The following USP45 variants were observed in gnomAD, a reference collection of about 807,000 sequenced individuals.
The protein encoded by USP45 is ubiquitin carboxyl-terminal hydrolase 45.
Under a neutral mutation model 95.8 loss-of-function variants are expected in USP45, and 89 were observed. That is an observed-to-expected ratio of 0.93 (90% CI 0.78 to 1.11). The LOEUF is 1.11. Ranked by LOEUF, USP45 falls within the 50% of genes least tolerant of loss-of-function variation. The probability of loss-of-function intolerance (pLI) is 0.00; values close to 1 mark genes in which losing one functional copy is unlikely to be tolerated. For synonymous variants in USP45, 281 were observed against 316.2 expected (o/e 0.89, Z 1.18); for missense variants, 898 against 942.5 (o/e 0.95, Z 0.62).
intron 13 of USP45, among the ~76,000 whole-genome samples, chr6:99,455,132 A>G (rs1415555888): frequency 2.0e-5 from 3 of 151,476 alleles, no homozygotes; most frequent in African/African-American, 7.3e-5. Context: ...ACACAACAGT[A>G]TGGAGATTTC....
chr6:99,487,793 C>T (rs4618535), intron 7 of USP45, among the ~76,000 whole-genome samples: 113,173 of 151,826 alleles, frequency 0.75, 42,324 homozygotes, highest in South Asian at 0.88. Flanking sequence ...AGAGCGAGAC[C>T]CCGTCTCAAA....
intron 5 of USP45, among the ~76,000 whole-genome samples, chr6:99,495,772 T>C (rs1400935007): frequency 6.6e-6 from 1 of 152,222 alleles, no homozygotes; most frequent in African/African-American, 2.4e-5. Context: ...GTGTTTGGAT[T>C]TATAGCTTTT....
chr6:99,503,176 T>C (rs1415332505), intron 5 of USP45, among the ~76,000 whole-genome samples: 4 of 152,162 alleles, frequency 2.6e-5, no homozygotes, highest in Non-Finnish European at 5.9e-5. Flanking sequence ...GCAATAAAAG[T>C]GACCATGGCC....
chr6:99,444,209 CT>C (rs1409630213), intron 14 of USP45, among the ~76,000 whole-genome samples: 1 of 152,038 alleles, frequency 6.6e-6, no homozygotes, highest in Non-Finnish European at 1.5e-5. Context: ...GACATGGGAT[CT>C]CACTATGTTC....
At chr6:99,491,017 ATTGG>A (rs1795053986) in intron 5 of USP45, among the ~76,000 whole-genome samples, 1 of 152,080 alleles carries the variant, frequency 6.6e-6, no homozygotes, top group Non-Finnish European at 1.5e-5. Flanking sequence ...TTTAAATGTT[ATTGG>A]TTGTTATTGG....
At position 99,433,901 on chromosome 6, in the gene USP45, C is replaced by T. The variant is rs1780075304; in HGVS notation, c.*1815G>A. 1 of 152,054 alleles carries T rather than the reference C, an allele frequency of 6.6e-6. No homozygotes were observed. Among genetic ancestry groups the T allele is most frequent in the South Asian group, 2.1e-4 (1 of 4,830 alleles). 9.4% of individuals were successfully genotyped at this position (152,054 alleles called of 1,614,324 possible). ...TAGGTGATCTATATTTACATTTGGG[C>T]AGTGGGGGGATGAAAACTGCTCTTA... On this transcript the variant is annotated 3_prime_UTR_variant, in exon 18 of 18. Coordinates refer to ENST00000500704, the MANE Select transcript of USP45 (RefSeq NM_001346022.3).
chr6:99,437,122 AG>A (rs1325727083), intron 17 of USP45, 123 bp downstream of exon 17: 20 of 1,042,824 alleles, frequency 1.9e-5, no homozygotes, highest in Admixed American at 2.6e-5. Flanking sequence ...CAATCAATTA[AG>A]TTAAAATAAA....
chr6:99,462,039 T>C (rs12196814), intron 13 of USP45: 203,787 of 984,944 alleles, frequency 0.21, 21,676 homozygotes, highest in Middle Eastern at 0.25. Flanking sequence ...TTCTTGAATA[T>C]AGTACCTTAA....
rs569510745 is a variant in USP45 at position 99,447,855 on chromosome 6, G to A, written c.1309-1392C>T. Among the ~76,000 whole-genome samples, 25 of 152,302 alleles carry A rather than the reference G, an allele frequency of 1.6e-4. No individual in the cohort carries two copies. The East Asian group carries it at 4.6e-3, about 28-fold the overall frequency. On this transcript the variant is annotated intron_variant, in intron 13 of 17. Coordinates refer to ENST00000500704, the MANE Select transcript of USP45 (RefSeq NM_001346022.3). ...ACCCATCTGAGACAAAGCTTCCAGA[G>A]GAACGATCAGGTAGCAACATTTGCT...
intron 1 of USP45, among the ~76,000 whole-genome samples, chr6:99,511,514 T>C (rs1799790112): frequency 6.6e-6 from 1 of 151,696 alleles, no homozygotes; most frequent in Admixed American, 6.6e-5. Context: ...AGTGGCCTGA[T>C]TTCAGCTCAC....
At position 99,468,119 on chromosome 6, in the gene USP45, C is replaced by T. The variant is rs138855120; in HGVS notation, c.1015+418G>A. 4.2e-4 allele frequency: 193 copies of T among 455,370 alleles called. 3 individuals are homozygous for T. The East Asian group carries it at 0.012, about 29-fold the overall frequency. 28.2% of individuals were successfully genotyped at this position (455,370 alleles called of 1,614,324 possible). On this transcript the variant is annotated intron_variant, in intron 10 of 17. Transcript: ENST00000500704. ...ACTTACCAGCACTCTCTTCAATAAA[C>T]GGTTTATTTGCAGGAGTCTTTGGAG... is the stretch of plus-strand genomic sequence containing the variant.
Position 99,508,236 on chromosome 6 carries a change from T to C in USP45, c.273+374A>G, listed in dbSNP as rs72926234. 8.7e-3 allele frequency among the ~76,000 whole-genome samples: 1,332 copies of C among 152,284 alleles called. 10 individuals carry two copies. Among genetic ancestry groups the C allele is most frequent in the Non-Finnish European group, 0.015 (999 of 68,032 alleles). On this transcript the variant is annotated intron_variant, in intron 3 of 17. Coordinates refer to ENST00000500704, the MANE Select transcript of USP45 (RefSeq NM_001346022.3). ...CTTTATTACAGATATCAATAACTTT[T>C]AAACTTTAAGATTTTAAATTACTTT...
chr6:99,491,451 A>T (rs563369257), intron 5 of USP45, among the ~76,000 whole-genome samples: 1 of 152,176 alleles, frequency 6.6e-6, no homozygotes, highest in African/African-American at 2.4e-5. Flanking sequence ...GCTGTTGCCA[A>T]AAGGTGGTTT....
At chr6:99,499,735 C>G (rs1797005158) in intron 5 of USP45, among the ~76,000 whole-genome samples, 1 of 152,218 alleles carries the variant, frequency 6.6e-6, no homozygotes, top group Non-Finnish European at 1.5e-5. Context: ...CTTCCCACCA[C>G]CTGAAATGAT....
intron 7 of USP45, among the ~76,000 whole-genome samples, chr6:99,485,008 T>C (rs943651023): frequency 4.6e-5 from 7 of 151,836 alleles, no homozygotes; most frequent in African/African-American, 1.5e-4. Context: ...ACCTTCAGAA[T>C]GAGATGAGGA....
chr6:99,495,169 T>C (rs1175680736), intron 5 of USP45, among the ~76,000 whole-genome samples: 4 of 152,192 alleles, frequency 2.6e-5, no homozygotes, highest in Non-Finnish European at 5.9e-5. Context: ...TTGAGGGCAG[T>C]TTTACAACAG....
chr6:99,495,536 A>G lies in USP45; in HGVS notation c.479-6716T>C, dbSNP rs901401634. On this transcript the variant is annotated intron_variant, in intron 5 of 17. Coordinates refer to ENST00000500704, the MANE Select transcript of USP45 (RefSeq NM_001346022.3). ...AGAACTGAAGCATTTCAAAGATGAAACTGAGGTATACTGCTGGTTAGTGTT... is the reference window on the plus strand; with the variant it reads ...AGAACTGAAGCATTTCAAAGATGAAGCTGAGGTATACTGCTGGTTAGTGTT... 1.2e-3 allele frequency among the ~76,000 whole-genome samples: 176 copies of G among 152,332 alleles called. 2 individuals are homozygous for G. Among genetic ancestry groups the G allele is most frequent in the African/African-American group, 4.1e-3 (172 of 41,570 alleles).
Position 99,482,790 on chromosome 6 carries a change from G to A in USP45, c.808C>T (p.Leu270Phe), listed in dbSNP as rs1386499833. The stretch of plus-strand genomic sequence containing the variant: ...TGATTAAAAAGAACTTTAGGAGAAA[G>A]TGGTCCTTTTTCAGTCTCCTTCATG... ...HSMKETEKGPLSPKVLFNQLC... is the reference protein window; with the variant it reads ...HSMKETEKGPFSPKVLFNQLC... Residue 270 changes from leucine to phenylalanine, a missense_variant, in exon 8 of 18, where the codon CTT becomes TTT. Coordinates refer to ENST00000500704, the MANE Select transcript of USP45 (RefSeq NM_001346022.3). 1 of 1,605,812 alleles carries A rather than the reference G, an allele frequency of 6.2e-7. No individual in the cohort carries two copies. The highest frequency in any genetic ancestry group is 1.3e-5 in the African/African-American group (1 of 74,858).
At chr6:99,444,675 C>G (rs1408062226) in intron 14 of USP45, among the ~76,000 whole-genome samples, 1 of 152,184 alleles carries the variant, frequency 6.6e-6, no homozygotes, top group Non-Finnish European at 1.5e-5. Flanking sequence ...CCAGAGCCCA[C>G]TAATATTATT....
Sources: allele counts gnomAD v4.1 joint callset (sites outside exome capture counted in the v4.1 genomes callset), GRCh38; gene constraint gnomAD v4.1.1; transcripts MANE v1.5; gene names NCBI Gene and HGNC (gene_info 2026-07-23, HGNC 2026-07-21).